ZBED1: variants seen among roughly 807,000 people sequenced by gnomAD.
ZBED1 encodes the protein zinc finger BED-type containing 1, also known as E3 SUMO-protein ligase ZBED1.
Under a neutral mutation model 49.7 loss-of-function variants are expected in ZBED1, and 19 were observed. The observed-to-expected ratio is 0.38, with a 90% CI of 0.27 to 0.56. ZBED1 has a LOEUF of 0.56. Among genes scored for constraint, ZBED1 ranks in the 20% least tolerant of loss-of-function variants. The probability of loss-of-function intolerance (pLI) is 0.70; values close to 1 mark genes in which losing one functional copy is unlikely to be tolerated. For synonymous variants in ZBED1, 439 were observed against 440.3 expected (o/e 1.00, Z 0.04); for missense variants, 806 against 972.6 (o/e 0.83, Z 2.28).
intron 1 of ZBED1, among the ~76,000 whole-genome samples, chrX:2,492,248 T>C (rs953373350): frequency 3.3e-5 from 5 of 152,194 alleles, no homozygotes; most frequent in Non-Finnish European, 7.3e-5. Context: ...TTATTCTCAA[T>C]TGAGGTGGTC....
At chrX:2,492,945 G>A (rs1050250538) in intron 1 of ZBED1, among the ~76,000 whole-genome samples, 5 of 152,252 alleles carry the variant, frequency 3.3e-5, no homozygotes, top group African/African-American at 1.2e-4. Context: ...AAGGCCCCCC[G>A]TCTTCACGGG....
intron 1 of ZBED1, among the ~76,000 whole-genome samples, chrX:2,498,485 C>A (rs1329153438): frequency 3.3e-5 from 5 of 152,158 alleles, no homozygotes; most frequent in Non-Finnish European, 7.3e-5. Flanking sequence ...TCGATGAGGG[C>A]AAGCCACTTA....
At chrX:2,493,488 T>G (rs998369620) in intron 1 of ZBED1, among the ~76,000 whole-genome samples, 1 of 151,576 alleles carries the variant, frequency 6.6e-6, no homozygotes, top group Non-Finnish European at 1.5e-5. Flanking sequence ...ATTATTATTA[T>G]GTGGCTGAAA....
At position 2,487,091 on chromosome X, in the gene ZBED1, T is replaced by C. The variant is rs2044959248; in HGVS notation, c.*1544A>G. ...GCTAAGCCTCCTGAAGTATTTTTCC[T>C]CCAGTTAAAAAGCAGTTCTACATGT... On this transcript the variant is annotated 3_prime_UTR_variant, in exon 2 of 2. Coordinates refer to ENST00000652001, the MANE Select transcript of ZBED1 (RefSeq NM_001171136.2). 1 of 152,204 alleles carries C rather than the reference T, an allele frequency of 6.6e-6. No homozygotes were observed. Among genetic ancestry groups the C allele is most frequent in the Admixed American group, 6.5e-5 (1 of 15,274 alleles). The allele number at this position is 152,204 out of a possible 1,614,324, so 9.4% of individuals were successfully genotyped here.
Position 2,487,500 on chromosome X carries a change from G to C in ZBED1, c.*1135C>G, listed in dbSNP as rs980778068. 1 of 152,256 alleles carries C rather than the reference G, an allele frequency of 6.6e-6. No individual in the cohort carries two copies. The highest frequency in any genetic ancestry group is 2.4e-5 in the African/African-American group (1 of 41,450). The allele number at this position is 152,256 out of a possible 1,614,324, so 9.4% of individuals were successfully genotyped here. A position where few individuals can be genotyped will look rare whatever the true frequency, so the allele number is the denominator to read the frequency against. On this transcript the variant is annotated 3_prime_UTR_variant, in exon 2 of 2. Transcript: ENST00000652001. The stretch of plus-strand genomic sequence containing the variant: ...CCGCCTCAGCCTCCCGAGTAGCTGG[G>C]ATTACAGGCGGGTGCCACCGCATCT...
intron 1 of ZBED1, among the ~76,000 whole-genome samples, chrX:2,499,841 T>C (rs1348642679): frequency 1.3e-5 from 2 of 152,062 alleles, no homozygotes; most frequent in Non-Finnish European, 2.9e-5. Context: ...GCCCAGGAGT[T>C]CGAGACCAGC....
In ZBED1 at chrX:2,489,654, T is replaced by C. The variant is rs1215247620; in HGVS notation, c.1066A>G (p.Ser356Gly). ...LVSNRVSWWG[S>G]TLAMLQRLKE... ...AGGCGCTGCAGCATGGCCAGCGTGCTCCCCCACCAGGAGACGCGGTTGCTC... is the reference window on the plus strand; with the variant it reads ...AGGCGCTGCAGCATGGCCAGCGTGCCCCCCCACCAGGAGACGCGGTTGCTC... The change falls in exon 2 of 2, where the codon AGC becomes GGC. Residue 356 changes from serine (S) to glycine (G), a missense_variant. Ser to Gly is a moderately conservative substitution (Grantham distance 56). Transcript: ENST00000652001. 2 of 1,611,922 alleles carry C rather than the reference T, an allele frequency of 1.2e-6. No individual in the cohort carries two copies. The highest frequency in any genetic ancestry group is 2.7e-5 in the African/African-American group (2 of 74,722).
intron 1 of ZBED1, among the ~76,000 whole-genome samples, chrX:2,498,002 T>C (rs1032960191): frequency 3.3e-5 from 5 of 152,190 alleles, no homozygotes; most frequent in African/African-American, 4.8e-5. Flanking sequence ...GACCCTCTTA[T>C]GGGAATTCTC....
At chrX:2,499,007 A>C (rs1365517376) in intron 1 of ZBED1, among the ~76,000 whole-genome samples, 2 of 152,210 alleles carry the variant, frequency 1.3e-5, no homozygotes, top group Non-Finnish European at 2.9e-5. Context: ...GAAAAAGAAA[A>C]GCTTAGCTCA....
At position 2,489,334 on chromosome X, in the gene ZBED1, C is replaced by T. The variant is rs183481921; in HGVS notation, c.1386G>A (p.Thr462=). Residue 462 remains threonine, a synonymous_variant, in exon 2 of 2, where the codon ACG becomes ACA. Coordinates refer to ENST00000652001, the MANE Select transcript of ZBED1 (RefSeq NM_001171136.2). ...AKELSKTYQE[T]PEIDMFLNVA... Reference sequence around the variant, plus strand: ...CGTTGAGAAACATGTCGATCTCGGGCGTCTCCTGGTAGGTCTTGGAAAGCT... The same window carrying T: ...CGTTGAGAAACATGTCGATCTCGGGTGTCTCCTGGTAGGTCTTGGAAAGCT... The T allele has an allele frequency of 5.8e-5, 94 of 1,613,500 alleles. 1 individual carries two copies. In the East Asian group the frequency reaches 1.6e-3, roughly 27 times the overall value.
chrX:2,493,998 G>T (rs1437449070), intron 1 of ZBED1, among the ~76,000 whole-genome samples: 3 of 149,008 alleles, frequency 2.0e-5, no homozygotes, highest in Non-Finnish European at 4.5e-5. Context: ...CAAAAAAAAA[G>T]ATATATATGC....
intron 1 of ZBED1, among the ~76,000 whole-genome samples, chrX:2,499,797 C>T (rs1428110011): frequency 1.3e-5 from 2 of 152,140 alleles, no homozygotes; most frequent in East Asian, 1.9e-4. Context: ...GTAATCCCAA[C>T]AGTTTGGGAG....
In ZBED1 at chrX:2,489,768, G is replaced by C. The variant is rs1319260116; in HGVS notation, c.952C>G (p.Leu318Val). The change falls in exon 2 of 2, where the codon CTG (leucine) becomes GTG (valine). Residue 318 changes from leucine (L) to valine (V), a missense_variant. Around this residue, in one of 2 missense-constraint regions of ZBED1, gnomAD observed 749 missense variants for 861.3 expected, o/e 0.87. Transcript: ENST00000652001. ...LGALLSRCRK[L>V]VEYFQQSAVA... ...GCAGACTGCTGGAAGTACTCCACCAGTTTGCGGCAGCGCGACAGCAGCGCC... is the reference window on the plus strand; with the variant it reads ...GCAGACTGCTGGAAGTACTCCACCACTTTGCGGCAGCGCGACAGCAGCGCC... 28 of 1,613,406 alleles carry C rather than the reference G, an allele frequency of 1.7e-5. No homozygotes were observed. Among genetic ancestry groups the C allele is most frequent in the Non-Finnish European group, 2.2e-5 (26 of 1,179,882 alleles).
intron 1 of ZBED1, among the ~76,000 whole-genome samples, chrX:2,499,557 G>A (rs1222949438): frequency 5.9e-5 from 9 of 152,134 alleles, no homozygotes; most frequent in Non-Finnish European, 8.8e-5. Flanking sequence ...GATTGCTGCA[G>A]GCCAGGGGTT....
rs1331649764 is a variant in ZBED1 at position 2,487,590 on chromosome X, G to C, written c.*1045C>G. ...CATGTTGGTTGGCCAGGCTGGTCTC[G>C]AACTCCTGACCTCAGCGTGAGCCAC... is the stretch of plus-strand genomic sequence containing the variant. On this transcript the variant is annotated 3_prime_UTR_variant, in exon 2 of 2. Transcript: ENST00000652001. The C allele has an allele frequency of 1.3e-5, 2 of 152,008 alleles. No homozygotes were observed. The highest frequency in any genetic ancestry group is 2.9e-5 in the Non-Finnish European group (2 of 68,010). The allele number at this position is 152,008 out of a possible 1,614,324, so 9.4% of individuals were successfully genotyped here.
intron 1 of ZBED1, among the ~76,000 whole-genome samples, chrX:2,490,983 T>C (rs771396912): frequency 1.1e-4 from 16 of 152,096 alleles, no homozygotes; most frequent in African/African-American, 3.9e-4. Flanking sequence ...TTAATCCGAC[T>C]GCAGCGATGC....
chrX:2,497,648 T>C (rs2045316450), intron 1 of ZBED1, among the ~76,000 whole-genome samples: 1 of 152,234 alleles, frequency 6.6e-6, no homozygotes, highest in African/African-American at 2.4e-5. Context: ...GAATATTCTG[T>C]GGCCTATTAT....
chrX:2,491,834 C>T (rs754771043), intron 1 of ZBED1, among the ~76,000 whole-genome samples: 1 of 152,322 alleles, frequency 6.6e-6, no homozygotes, highest in African/African-American at 2.4e-5. Flanking sequence ...ATCAGGCAGT[C>T]GGTGTGGAGG....
chrX:2,491,339 G>A (rs1031373253), intron 1 of ZBED1, among the ~76,000 whole-genome samples: 7 of 152,214 alleles, frequency 4.6e-5, no homozygotes, highest in Non-Finnish European at 7.3e-5. Flanking sequence ...CAAAGTGCTG[G>A]GATGACAGGC....
Sources: allele counts gnomAD v4.1 joint callset (sites outside exome capture counted in the v4.1 genomes callset), GRCh38; gene constraint gnomAD v4.1.1; regional missense constraint gnomAD v4.1.1; transcripts MANE v1.5; gene names NCBI Gene and HGNC (gene_info 2026-07-23, HGNC 2026-07-21).